LCT: variants seen among roughly 807,000 people sequenced by gnomAD.
LCT encodes the protein lactase, also known as lactase/phlorizin hydrolase.
A neutral mutation model predicts 173.0 loss-of-function variants in LCT; 90 were observed. The observed-to-expected ratio is 0.52, with a 90% CI of 0.44 to 0.62. The LOEUF is 0.62. LCT is among the 20% of genes least tolerant of loss of function. The probability of loss-of-function intolerance (pLI) is 0.00; values close to 1 mark genes in which losing one functional copy is unlikely to be tolerated. For missense variants in LCT, 1,864 were observed against 2,431.4 expected (o/e 0.77, Z 4.91); for synonymous variants, 853 against 957.6 (o/e 0.89, Z 2.02).
chr2:135,821,692 G>A, intron 5 of LCT: 1 of 334,760 alleles, frequency 3.0e-6, no homozygotes, highest in Non-Finnish European at 5.6e-6. Context: ...GTTTCACCAT[G>A]TTGCCCAGCC....
rs1326887396 is a variant in LCT at position 135,794,789 on chromosome 2, G to A, written c.4977-14C>T. The A allele has an allele frequency of 6.2e-7, 1 of 1,614,040 alleles. No homozygotes were observed. The highest frequency in any genetic ancestry group is 1.3e-5 in the African/African-American group (1 of 74,946). On this transcript the variant is annotated splice_polypyrimidine_tract_variant and intron_variant, in intron 13 of 16. Coordinates refer to ENST00000264162, the MANE Select transcript of LCT (RefSeq NM_002299.4). ...AATTCTGGCAGCCTGGGTGGAAGAA[G>A]CCATTGAGGGCAGGGCTTCAGGGAG...
intron 5 of LCT, chr2:135,821,803 G>C (rs187499484): frequency 1.8e-6 from 1 of 556,638 alleles, no homozygotes; most frequent in South Asian, 2.0e-5. Flanking sequence ...ACAGTTGGGC[G>C]AACTGACAGA....
chr2:135,830,049 C>T (rs1275871276), intron 2 of LCT, among the ~76,000 whole-genome samples: 2 of 152,166 alleles, frequency 1.3e-5, no homozygotes, highest in African/African-American at 2.4e-5. Context: ...TCCATAGACC[C>T]TCACATTTGG....
chr2:135,817,327 G>C lies in LCT; in HGVS notation c.1707+14C>G, dbSNP rs2077787853. On this transcript the variant is annotated intron_variant, in intron 6 of 16. Transcript: ENST00000264162. ...TCTCCTCCAATTAGTAGGAGCTGCA[G>C]GGTTGGGAAGTACCTTAAAAGAGGC... The C allele has an allele frequency of 1.2e-6, 2 of 1,612,972 alleles. No individual in the cohort carries two copies. Among genetic ancestry groups the C allele is most frequent in the Non-Finnish European group, 1.7e-6 (2 of 1,179,384 alleles).
chr2:135,790,996 A>G lies in LCT; in HGVS notation c.5112-115T>C. 3.7e-6 allele frequency: 3 copies of G among 802,010 alleles called. No individual in the cohort carries two copies. 49.7% of individuals were successfully genotyped at this position (802,010 alleles called of 1,614,324 possible). On this transcript the variant is annotated intron_variant, in intron 14 of 16. Coordinates refer to ENST00000264162, the MANE Select transcript of LCT (RefSeq NM_002299.4). The surrounding 1 kb of genome is among the most constrained non-coding windows in gnomAD (Gnocchi z 4.1). ...AAAGCCTTAGGTTTTGTCTAGCCTT[A>G]AGAATCATACTAAACCCAGAAGAAT...
chr2:135,823,508 C>A (rs1385665531), intron 4 of LCT, among the ~76,000 whole-genome samples: 1 of 152,134 alleles, frequency 6.6e-6, no homozygotes, highest in African/African-American at 2.4e-5. Context: ...GGACATGGAA[C>A]AAGGGTAAGT....
intron 1 of LCT, among the ~76,000 whole-genome samples, chr2:135,834,850 C>T (rs1018704675): frequency 8.5e-5 from 10 of 117,236 alleles, no homozygotes; most frequent in Non-Finnish European, 1.5e-4. Context: ...TAATCAAATA[C>T]ATGCAAATTA....
At position 135,790,668 on chromosome 2, in the gene LCT, C is replaced by T; in HGVS notation, c.5325G>A (p.Glu1775=). 6.2e-7 allele frequency: 1 copy of T among 1,609,608 alleles called. No homozygotes were observed. Among genetic ancestry groups the T allele is most frequent in the Non-Finnish European group, 8.5e-7 (1 of 1,177,122 alleles). Residue 1775 remains glutamate, a synonymous_variant, in exon 15 of 17, where the codon GAG becomes GAA. Transcript: ENST00000264162. The surrounding 1 kb of genome is among the most constrained non-coding windows in gnomAD (Gnocchi z 4.1). Reference sequence around the variant, plus strand: ...GCGGGCCCGTCGTACCTTTGAGGGCCTCATTGATGTAAGTCCGAAGGTAGT... The same window carrying T: ...GCGGGCCCGTCGTACCTTTGAGGGCTTCATTGATGTAAGTCCGAAGGTAGT... ...RIYYLRTYIN[E]ALKAVQDKVD...
At chr2:135,794,857 G>C in intron 13 of LCT, 82 bp from the exon 14 acceptor site, 1 of 1,530,878 alleles carries the variant, frequency 6.5e-7, no homozygotes, top group South Asian at 1.1e-5. Context: ...TGGGGCGGGG[G>C]AGCTCTCCGA....
intron 5 of LCT, among the ~76,000 whole-genome samples, chr2:135,821,342 C>T (rs899109964): frequency 6.6e-6 from 1 of 152,206 alleles, no homozygotes; most frequent in Non-Finnish European, 1.5e-5. Context: ...CCTGTCTATG[C>T]TGTCTCCTTC....
At chr2:135,795,338 G>C (rs2077573654) in intron 13 of LCT, among the ~76,000 whole-genome samples, 1 of 151,920 alleles carries the variant, frequency 6.6e-6, no homozygotes, top group African/African-American at 2.4e-5. Context: ...CTCCCAAGTA[G>C]CTGGGACTAC....
Position 135,798,159 on chromosome 2 carries a change from A to G in LCT, c.4867-21T>C, listed in dbSNP as rs1326230230. 6 of 1,335,122 alleles carry G rather than the reference A, an allele frequency of 4.5e-6. No homozygotes were observed. The Admixed American group carries it at 1.0e-4, about 22-fold the overall frequency. The allele number at this position is 1,335,122 out of a possible 1,614,324, so 82.7% of individuals were successfully genotyped here. ...ATGAACTGCGGGTAGGGTGGGGGAGACAGCCCAGGCGTTACAGGTGGGCAC... is the reference window on the plus strand; with the variant it reads ...ATGAACTGCGGGTAGGGTGGGGGAGGCAGCCCAGGCGTTACAGGTGGGCAC... On this transcript the variant is annotated intron_variant, in intron 12 of 16. Coordinates refer to ENST00000264162, the MANE Select transcript of LCT (RefSeq NM_002299.4).
chr2:135,826,038 G>A (rs1405725629), intron 3 of LCT, among the ~76,000 whole-genome samples: 1 of 152,208 alleles, frequency 6.6e-6, no homozygotes, highest in Non-Finnish European at 1.5e-5. Context: ...TCCCAGGAAG[G>A]AACAGTGTGC....
chr2:135,791,087 T>C (rs2077530410), intron 14 of LCT, among the ~76,000 whole-genome samples: 1 of 152,232 alleles, frequency 6.6e-6, no homozygotes, highest in Non-Finnish European at 1.5e-5. Context: ...TTGTATAGCA[T>C]TGGACAAGCC....
In LCT at chr2:135,807,121, T is replaced by C; in HGVS notation, c.4173+7A>G. 6.2e-7 allele frequency: 1 copy of C among 1,602,848 alleles called. No individual in the cohort carries two copies. The highest frequency in any genetic ancestry group is 8.5e-7 in the Non-Finnish European group (1 of 1,174,902). On this transcript the variant is annotated splice_region_variant and intron_variant, in intron 9 of 16. Transcript: ENST00000264162. Reference sequence around the variant, plus strand: ...TCACTGGTGTCCCACCATCCTGAACTCCTCACCTGATATGCAGCAGAAGCT... The same window carrying C: ...TCACTGGTGTCCCACCATCCTGAACCCCTCACCTGATATGCAGCAGAAGCT...
At position 135,817,322 on chromosome 2, in the gene LCT, C is replaced by T. The variant is rs776206943; in HGVS notation, c.1707+19G>A. The T allele has an allele frequency of 6.2e-7, 1 of 1,612,380 alleles. No individual in the cohort carries two copies. The highest frequency in any genetic ancestry group is 1.3e-5 in the African/African-American group (1 of 75,030). ...TCCTTTCTCCTCCAATTAGTAGGAG[C>T]TGCAGGGTTGGGAAGTACCTTAAAA... On this transcript the variant is annotated intron_variant, in intron 6 of 16. Coordinates refer to ENST00000264162, the MANE Select transcript of LCT (RefSeq NM_002299.4).
intron 3 of LCT, among the ~76,000 whole-genome samples, chr2:135,828,926 C>T (rs1325869519): frequency 6.6e-6 from 1 of 152,074 alleles, no homozygotes; most frequent in East Asian, 1.9e-4. Context: ...TGTGGTGGCT[C>T]ACGCCTGTAA....
rs199505793 is a variant in LCT, at chr2:135,812,713, G to A, written c.1951C>T (p.Gln651Ter). 2 of 1,614,224 alleles carry A rather than the reference G, an allele frequency of 1.2e-6. No homozygotes were observed. The highest frequency in any genetic ancestry group is 3.3e-5 in the Admixed American group (2 of 60,020). Residue 651 changes from glutamine to a stop codon, truncating the protein, a stop_gained, in exon 7 of 17, where the codon CAG (glutamine) becomes TAG (stop). Transcript: ENST00000264162. LOFTEE classifies it high-confidence loss of function. ...YPATLRTQIQ[Q>*]MNRQCSHPVA... ...GGATGGGAGCACTGTCTGTTCATCT[G>A]TTGGATCTGGGTCCTCAGGGTGGCT...
intron 11 of LCT, among the ~76,000 whole-genome samples, chr2:135,801,132 T>C (rs1373720815): frequency 6.6e-6 from 1 of 152,184 alleles, no homozygotes; most frequent in African/African-American, 2.4e-5. Context: ...AATGTTGGCT[T>C]CTGTTCCCCT....
Sources: allele counts gnomAD v4.1 joint callset (sites outside exome capture counted in the v4.1 genomes callset), GRCh38; gene constraint gnomAD v4.1.1; non-coding constraint Gnocchi (gnomAD v3.1); transcripts MANE v1.5; gene names NCBI Gene and HGNC (gene_info 2026-07-23, HGNC 2026-07-21).